Variants in WAC observed in about 807,000 individuals in gnomAD.
The protein encoded by WAC is WW domain-containing adapter protein with coiled-coil.
A neutral mutation model predicts 79.6 loss-of-function variants in WAC; 11 were observed. The observed-to-expected ratio is 0.14, with a 90% CI of 0.09 to 0.23. The LOEUF (loss-of-function observed/expected upper bound fraction) is 0.23. Among genes scored for constraint, WAC ranks in the 10% least tolerant of loss-of-function variants. The pLI, the probability that WAC is intolerant of heterozygous loss-of-function variation, is 1.00. For missense variants in WAC, 728 were observed against 773.5 expected (o/e 0.94, Z 0.70); for synonymous variants, 304 against 276.9 (o/e 1.10, Z -0.97).
chr10:28,540,178 T>G (rs557719396), intron 3 of WAC, among the ~76,000 whole-genome samples: 34 of 152,358 alleles, frequency 2.2e-4, no homozygotes, highest in African/African-American at 7.9e-4. Context: ...ACAGTCGCTT[T>G]TGATACTCAT....
At chr10:28,601,511 A>G (rs1840647181) in intron 7 of WAC, among the ~76,000 whole-genome samples, 1 of 152,208 alleles carries the variant, frequency 6.6e-6, no homozygotes, top group South Asian at 2.1e-4. Flanking sequence ...GCAGTTCTTC[A>G]GAAAGTTAAA....
chr10:28,591,329 G>A (rs999783290), intron 6 of WAC: 1 of 153,482 alleles, frequency 6.5e-6, no homozygotes, highest in African/African-American at 2.4e-5. Flanking sequence ...ACAGATCTGT[G>A]TAACATCTCT....
intron 7 of WAC, among the ~76,000 whole-genome samples, chr10:28,602,899 TTG>T (rs963650778): frequency 3.3e-5 from 5 of 152,216 alleles, no homozygotes; most frequent in African/African-American, 7.2e-5. Flanking sequence ...TTAAGAAGTT[TTG>T]TCTCTTAAAT....
chr10:28,572,110 G>A (rs372737663), intron 3 of WAC, among the ~76,000 whole-genome samples: 33 of 152,050 alleles, frequency 2.2e-4, no homozygotes, highest in Admixed American at 1.6e-3. Context: ...AGGCCGAGGC[G>A]GGTGGATCAC....
At chr10:28,534,848 A>G (rs1164051690) in intron 2 of WAC, among the ~76,000 whole-genome samples, 1 of 152,248 alleles carries the variant, frequency 6.6e-6, no homozygotes, top group Non-Finnish European at 1.5e-5. Flanking sequence ...GGATATGTCA[A>G]AAATTAAACT....
chr10:28,541,420 GTTTTTT>G lies in WAC; in HGVS notation c.274+5684_274+5689del, dbSNP rs869099181. ...GTGGGGTTGTGTGTGTGTGTGTTTT[GTTTTTT>G]TTTTTTTTTTTTTTTTTTTTAAGAC... On this transcript the variant is annotated intron_variant, in intron 3 of 13. Coordinates refer to ENST00000354911, the MANE Select transcript of WAC (RefSeq NM_016628.5). Among the ~76,000 whole-genome samples the G allele has an allele frequency of 1.5e-3, 75 of 49,220 alleles. 7 individuals carry two copies. In the East Asian group the frequency reaches 0.047, roughly 31 times the overall value. The allele number at this position is 49,220 out of a possible 152,430, so 32.3% of individuals were successfully genotyped here.
At chr10:28,596,932 G>T (rs929384546) in intron 7 of WAC, among the ~76,000 whole-genome samples, 1 of 152,110 alleles carries the variant, frequency 6.6e-6, no homozygotes, top group Non-Finnish European at 1.5e-5. Flanking sequence ...GAACTACAGT[G>T]TGATTTTAAA....
chr10:28,568,313 T>G (rs1838762724), intron 3 of WAC, among the ~76,000 whole-genome samples: 1 of 152,230 alleles, frequency 6.6e-6, no homozygotes, highest in Non-Finnish European at 1.5e-5. Context: ...GCTTTTTAAG[T>G]CAATTGGAAA....
chr10:28,550,055 A>G (rs1837572497), intron 3 of WAC, among the ~76,000 whole-genome samples: 1 of 151,944 alleles, frequency 6.6e-6, no homozygotes, highest in Non-Finnish European at 1.5e-5. Flanking sequence ...AATCCCAGCT[A>G]CTCGGGAGGC....
chr10:28,615,733 T>C (rs1203440209), intron 11 of WAC: 1 of 154,618 alleles, frequency 6.5e-6, no homozygotes, highest in East Asian at 1.9e-4. Flanking sequence ...TCCAATAAAA[T>C]GTCTGTATTT....
chr10:28,544,130 G>A (rs559125839), intron 3 of WAC, among the ~76,000 whole-genome samples: 4 of 152,150 alleles, frequency 2.6e-5, no homozygotes, highest in Non-Finnish European at 4.4e-5. Flanking sequence ...TGATCCATTC[G>A]CCTCAGCCTC....
chr10:28,569,827 T>C (rs975503471), intron 3 of WAC, among the ~76,000 whole-genome samples: 1 of 152,260 alleles, frequency 6.6e-6, no homozygotes, highest in African/African-American at 2.4e-5. Context: ...GTAAGTAACA[T>C]TTCCATCTGT....
chr10:28,595,290 C>T (rs1344811624), intron 6 of WAC, among the ~76,000 whole-genome samples: 1 of 152,218 alleles, frequency 6.6e-6, no homozygotes, highest in Admixed American at 6.5e-5. Flanking sequence ...TATTCCTTTG[C>T]AGTTGAACCA....
intron 3 of WAC, among the ~76,000 whole-genome samples, chr10:28,568,133 G>GTTAGGTGTTATT (rs1246534001): frequency 6.6e-6 from 1 of 152,078 alleles, no homozygotes; most frequent in East Asian, 1.9e-4. Flanking sequence ...TATTCTTTTT[G>GTTAGGTGTTATT]GTCCCTTTAG....
chr10:28,611,542 A>G, intron 9 of WAC: 1 of 1,368,942 alleles, frequency 7.3e-7, no homozygotes, highest in Non-Finnish European at 9.6e-7. Context: ...AGCCACATAA[A>G]GGAGAGTGGG....
chr10:28,555,631 A>G (rs1837939755), intron 3 of WAC, among the ~76,000 whole-genome samples: 1 of 152,136 alleles, frequency 6.6e-6, no homozygotes, highest in African/African-American at 2.4e-5. Flanking sequence ...GGCTAAACCA[A>G]CTGCTATGGT....
Position 28,619,640 on chromosome 10 carries a change from G to T in WAC, c.*34G>T. 6.5e-7 allele frequency: 1 copy of T among 1,537,980 alleles called. No individual in the cohort carries two copies. Among genetic ancestry groups the T allele is most frequent in the South Asian group, 1.2e-5 (1 of 81,594 alleles). Reference sequence around the variant, plus strand: ...ATAATTGCACATGGTTTTGAGAACAGGAACTGTAAATCTGTTGCCCAATCT... The same window carrying T: ...ATAATTGCACATGGTTTTGAGAACATGAACTGTAAATCTGTTGCCCAATCT... On this transcript the variant is annotated 3_prime_UTR_variant, in exon 14 of 14. Transcript: ENST00000354911.
chr10:28,586,000 T>C (rs557803480), intron 4 of WAC, among the ~76,000 whole-genome samples: 2 of 152,300 alleles, frequency 1.3e-5, no homozygotes, highest in African/African-American at 2.4e-5. Context: ...ATAGATAAAA[T>C]GTTTTGTGTT....
rs115664997 is a variant in WAC, at chr10:28,613,711, C to G, written c.1438-856C>G. 9.3e-3 allele frequency among the ~76,000 whole-genome samples: 1,409 copies of G among 152,262 alleles called. 32 individuals carry two copies. The highest frequency in any genetic ancestry group is 0.032 in the African/African-American group (1,341 of 41,544). Reference sequence around the variant, plus strand: ...TGTTAGGGAGAATTATTAATCATATCCCCTCACCCCACCAAAAGAAAAACA... The same window carrying G: ...TGTTAGGGAGAATTATTAATCATATGCCCTCACCCCACCAAAAGAAAAACA... On this transcript the variant is annotated intron_variant, in intron 10 of 13. Coordinates refer to ENST00000354911, the MANE Select transcript of WAC (RefSeq NM_016628.5).
Sources: gnomAD v4.1 joint callset for allele counts (sites outside exome capture counted in the v4.1 genomes callset) on GRCh38, gnomAD v4.1.1 for gene constraint, MANE v1.5 for transcripts, NCBI Gene and HGNC (gene_info 2026-07-23, HGNC 2026-07-21) for gene names.